KCNIP1: variants seen among roughly 807,000 people sequenced by gnomAD.
KCNIP1 encodes A-type potassium channel modulatory protein KCNIP1.
Under a neutral mutation model 33.0 loss-of-function variants are expected in KCNIP1, and 18 were observed. The ratio of observed to expected loss-of-function variants is 0.55; its 90% CI spans 0.38 to 0.81. The LOEUF (loss-of-function observed/expected upper bound fraction) is 0.81, where lower values mean the gene tolerates loss of function less well. Among genes scored for constraint, KCNIP1 ranks in the 30% least tolerant of loss-of-function variants. The pLI is 0.00. For missense variants in KCNIP1, 238 were observed against 271.6 expected (o/e 0.88, Z 0.87); for synonymous variants, 93 against 98.3 (o/e 0.95, Z 0.32).
chr5:170,669,990 G>A (rs1581474957), intron 1 of KCNIP1, among the ~76,000 whole-genome samples: 1 of 152,178 alleles, frequency 6.6e-6, no homozygotes, highest in Non-Finnish European at 1.5e-5. Context: ...ATTAAACCAG[G>A]AGAGAAGAAT....
At chr5:170,708,104 T>C (rs932004659) in intron 1 of KCNIP1, among the ~76,000 whole-genome samples, 1 of 152,182 alleles carries the variant, frequency 6.6e-6, no homozygotes, top group Non-Finnish European at 1.5e-5. Context: ...CCTCCAAGCC[T>C]GGCTGTAAGA....
intron 1 of KCNIP1, chr5:170,422,025 T>C (rs1004583857): frequency 2.0e-5 from 3 of 150,332 alleles, no homozygotes; most frequent in South Asian, 4.3e-4. Context: ...CACTGGGACA[T>C]TCAATAACTT....
chr5:170,557,576 T>C (rs892062479), intron 1 of KCNIP1, among the ~76,000 whole-genome samples: 3 of 151,214 alleles, frequency 2.0e-5, no homozygotes, highest in Non-Finnish European at 4.4e-5. Context: ...AGACAAACAG[T>C]TAGAGGATGG....
intron 1 of KCNIP1, among the ~76,000 whole-genome samples, chr5:170,693,333 C>T (rs1477144343): frequency 6.6e-6 from 1 of 152,208 alleles, no homozygotes; most frequent in Non-Finnish European, 1.5e-5. Flanking sequence ...CCCACTCAGT[C>T]TACCAGTCCT....
chr5:170,587,326 G>T (rs530334466), intron 1 of KCNIP1, among the ~76,000 whole-genome samples: 1 of 149,968 alleles, frequency 6.7e-6, no homozygotes, highest in South Asian at 2.1e-4. Flanking sequence ...AGAGGCTGAG[G>T]TGGGAGAATG....
At chr5:170,428,668 G>A (rs1276189615) in intron 1 of KCNIP1, among the ~76,000 whole-genome samples, 1 of 152,022 alleles carries the variant, frequency 6.6e-6, no homozygotes, top group Non-Finnish European at 1.5e-5. Context: ...ATAGCCTCAC[G>A]AAACCACCTA....
chr5:170,684,909 T>C (rs535549308), intron 1 of KCNIP1, among the ~76,000 whole-genome samples: 2 of 152,270 alleles, frequency 1.3e-5, no homozygotes, highest in East Asian at 3.9e-4. Flanking sequence ...GCAATGTCTG[T>C]TGCTCACCTT....
intron 1 of KCNIP1, among the ~76,000 whole-genome samples, chr5:170,412,684 G>A (rs910858713): frequency 6.6e-6 from 1 of 152,138 alleles, no homozygotes; most frequent in African/African-American, 2.4e-5. Flanking sequence ...GCTTTCTCCA[G>A]GGGTGCAGTG....
intron 1 of KCNIP1, among the ~76,000 whole-genome samples, chr5:170,435,950 A>G (rs113436058): frequency 2.0e-3 from 301 of 152,192 alleles, no homozygotes; most frequent in African/African-American, 7.1e-3. Flanking sequence ...TTGCTGCAGC[A>G]CTGCCCCCTC....
intron 1 of KCNIP1, among the ~76,000 whole-genome samples, chr5:170,651,327 T>G (rs1375124973): frequency 6.6e-6 from 1 of 152,212 alleles, no homozygotes; most frequent in Non-Finnish European, 1.5e-5. Flanking sequence ...GAGTCCTATC[T>G]GTATCAGGGG....
intron 1 of KCNIP1, among the ~76,000 whole-genome samples, chr5:170,542,188 C>A (rs865985172): frequency 1.3e-5 from 2 of 152,212 alleles, no homozygotes; most frequent in Middle Eastern, 3.2e-3. Context: ...ATTTACTAAG[C>A]ACCTACTATG....
intron 1 of KCNIP1, among the ~76,000 whole-genome samples, chr5:170,423,810 G>A (rs1755553207): frequency 6.6e-6 from 1 of 152,172 alleles, no homozygotes; most frequent in African/African-American, 2.4e-5. Context: ...CCCTCCACAG[G>A]CCAGATGGGG....
At chr5:170,557,898 CAGGT>C (rs1440228206) in intron 1 of KCNIP1, among the ~76,000 whole-genome samples, 1 of 152,182 alleles carries the variant, frequency 6.6e-6, no homozygotes, top group East Asian at 1.9e-4. Flanking sequence ...TGACAGGAGA[CAGGT>C]AGAGTGCTTG....
chr5:170,542,497 A>G (rs756059187), intron 1 of KCNIP1, among the ~76,000 whole-genome samples: 9 of 152,210 alleles, frequency 5.9e-5, no homozygotes, highest in African/African-American at 1.2e-4. Flanking sequence ...TGCATGGAAA[A>G]GAAAATAGGA....
At chr5:170,621,287 T>C (rs537543581) in intron 1 of KCNIP1, among the ~76,000 whole-genome samples, 10 of 152,262 alleles carry the variant, frequency 6.6e-5, no homozygotes, top group African/African-American at 1.9e-4. Context: ...GTGGTTGAGA[T>C]TTTTATCATC....
intron 1 of KCNIP1, among the ~76,000 whole-genome samples, chr5:170,693,745 A>T (rs987108310): frequency 2.0e-5 from 3 of 152,232 alleles, no homozygotes; most frequent in African/African-American, 7.2e-5. Flanking sequence ...TTCCCCTGTC[A>T]TATCACGTGA....
chr5:170,688,325 A>AG lies in KCNIP1; in HGVS notation c.62-30433_62-30432insG, dbSNP rs1201328182. 9.8e-5 allele frequency among the ~76,000 whole-genome samples: 15 copies of AG among 152,362 alleles called. No individual in the cohort carries two copies. The East Asian group carries it at 2.9e-3, about 29-fold the overall frequency. On this transcript the variant is annotated intron_variant, in intron 1 of 7. Transcript: ENST00000328939. ...TCCCAACTAAGGGCAAGACTGTGACACAGAGGTCACTAATCAGAATGAAAG... is the reference window on the plus strand; with the variant it reads ...TCCCAACTAAGGGCAAGACTGTGACAGCAGAGGTCACTAATCAGAATGAAAG...
intron 1 of KCNIP1, among the ~76,000 whole-genome samples, chr5:170,517,919 T>G (rs1304835557): frequency 6.7e-6 from 1 of 150,046 alleles, no homozygotes; most frequent in Non-Finnish European, 1.5e-5. Flanking sequence ...ATGGAGGCGG[T>G]GATGGTGATA....
At chr5:170,673,282 G>A (rs186730124) in intron 1 of KCNIP1, among the ~76,000 whole-genome samples, 47 of 152,352 alleles carry the variant, frequency 3.1e-4, no homozygotes, top group Non-Finnish European at 1.9e-4. Context: ...ACAGACCTGA[G>A]TTCAAATTCT....
Sources: gnomAD v4.1 joint callset for allele counts (sites outside exome capture counted in the v4.1 genomes callset) on GRCh38, gnomAD v4.1.1 for gene constraint, MANE v1.5 for transcripts, NCBI Gene and HGNC (gene_info 2026-07-23, HGNC 2026-07-21) for gene names.